Variants in XYLB observed in about 807,000 individuals in gnomAD.
XYLB encodes the protein xylulose kinase.
In XYLB, 62 loss-of-function variants were observed where a neutral mutation model predicts 78.7. The ratio of observed to expected loss-of-function variants is 0.79; its 90% CI spans 0.64 to 0.97. XYLB has a LOEUF of 0.97. Among genes scored for constraint, XYLB ranks in the 50% least tolerant of loss-of-function variants. XYLB has a pLI of 0.00. For synonymous variants in XYLB, 245 were observed against 247.4 expected (o/e 0.99, Z 0.09); for missense variants, 687 against 676.8 (o/e 1.02, Z -0.17).
At chr3:38,354,415 T>G (rs1705532595) in intron 2 of XYLB, among the ~76,000 whole-genome samples, 1 of 152,110 alleles carries the variant, frequency 6.6e-6, no homozygotes, top group Non-Finnish European at 1.5e-5. Context: ...CTGTTTGTTT[T>G]TTTTTCCAGA....
chr3:38,355,975 G>A (rs1212179899), intron 2 of XYLB: 1 of 578,238 alleles, frequency 1.7e-6, no homozygotes, highest in South Asian at 2.2e-5. Flanking sequence ...CTGGGGCCAG[G>A]TGTGGTCGCT....
the XYLB span, among the ~76,000 whole-genome samples, chr3:38,446,843 C>T: frequency 6.6e-6 from 1 of 152,074 alleles, no homozygotes; most frequent in Non-Finnish European, 1.5e-5. Flanking sequence ...GAAAACTCTC[C>T]TGGACATTGG....
At chr3:38,431,170 T>G in the XYLB span, among the ~76,000 whole-genome samples, 1 of 152,204 alleles carries the variant, frequency 6.6e-6, no homozygotes, top group South Asian at 2.1e-4. Context: ...CCAGTATTGA[T>G]TCTTCCTATC....
At chr3:38,409,237 C>G (rs995758434) in intron 18 of XYLB, among the ~76,000 whole-genome samples, 4 of 152,098 alleles carry the variant, frequency 2.6e-5, no homozygotes. Flanking sequence ...TCAATATATG[C>G]AAATCAATAA....
rs1027473981 is a variant in XYLB, at chr3:38,414,728, T to C, written c.*1715T>C. ...AATTATATCTTAATGAAAATAGATA[T>C]GGTCACAAGTACATTAAGGCACGTA... On this transcript the variant is annotated 3_prime_UTR_variant, in exon 19 of 19. Coordinates refer to ENST00000207870, the MANE Select transcript of XYLB (RefSeq NM_005108.4). The C allele has an allele frequency of 1.3e-5, 2 of 152,124 alleles. No individual in the cohort carries two copies. Among genetic ancestry groups the C allele is most frequent in the African/African-American group, 4.8e-5 (2 of 41,444 alleles). 9.4% of individuals were successfully genotyped at this position (152,124 alleles called of 1,614,324 possible).
chr3:38,377,103 A>G, intron 14 of XYLB, 112 bp downstream of exon 14: 4 of 937,742 alleles, frequency 4.3e-6, no homozygotes, highest in Admixed American at 4.0e-5. Context: ...TCACTCATCC[A>G]TTAATATCAT....
In XYLB at chr3:38,346,837, A is replaced by G; in HGVS notation, c.-32A>G. On this transcript the variant is annotated 5_prime_UTR_variant, in exon 1 of 19. Coordinates refer to ENST00000207870, the MANE Select transcript of XYLB (RefSeq NM_005108.4). ...ATCACGCCGCGTGGCGGACGGACGG[A>G]CTGACGGACGCGCAGCCTTACCCGA... 1.3e-6 allele frequency: 2 copies of G among 1,491,132 alleles called. No homozygotes were observed. The highest frequency in any genetic ancestry group is 8.9e-7 in the Non-Finnish European group (1 of 1,121,096). 92.4% of individuals were successfully genotyped at this position (1,491,132 alleles called of 1,614,324 possible).
intron 18 of XYLB, among the ~76,000 whole-genome samples, chr3:38,412,368 GCT>G (rs1243375031): frequency 2.0e-5 from 3 of 152,184 alleles, no homozygotes; most frequent in African/African-American, 7.2e-5. Flanking sequence ...TGTGTGAACT[GCT>G]GTATGGACTG....
intron 15 of XYLB, 149 bp downstream of exon 15, chr3:38,379,491 G>A: frequency 1.4e-6 from 1 of 722,476 alleles, no homozygotes; most frequent in Non-Finnish European, 2.3e-6. Flanking sequence ...CTCAGGGATG[G>A]GGTGAGAAAG....
At chr3:38,409,784 T>C (rs1206946250) in intron 18 of XYLB, among the ~76,000 whole-genome samples, 1 of 152,158 alleles carries the variant, frequency 6.6e-6, no homozygotes, top group Non-Finnish European at 1.5e-5. Flanking sequence ...CCATTCACAA[T>C]TGCTTCAAAG....
chr3:38,363,607 C>G (rs1335002073), intron 4 of XYLB, among the ~76,000 whole-genome samples: 1 of 152,198 alleles, frequency 6.6e-6, no homozygotes, highest in Non-Finnish European at 1.5e-5. Flanking sequence ...AGGCAGTGAC[C>G]TGGGATACGT....
intron 4 of XYLB, among the ~76,000 whole-genome samples, chr3:38,364,670 G>A (rs983221533): frequency 9.9e-5 from 15 of 151,886 alleles, no homozygotes; most frequent in Admixed American, 2.6e-4. Flanking sequence ...ATCTGTACCC[G>A]AGTTGGTTAG....
Position 38,397,130 on chromosome 3 carries a change from G to A in XYLB, c.1409G>A (p.Cys470Tyr), listed in dbSNP as rs1233919982. 4.3e-6 allele frequency: 7 copies of A among 1,614,036 alleles called. No individual in the cohort carries two copies. The highest frequency in any genetic ancestry group is 1.6e-4 in the Middle Eastern group (1 of 6,084). The stretch of plus-strand genomic sequence containing the variant: ...GTTATAGACACTGCCAACTCGGCCT[G>A]TGTGGGTTCTGCATACCGAGCTTTT... ...VYVIDTANSA[C>Y]VGSAYRAFHG... Residue 470 changes from cysteine (C) to tyrosine (Y), a missense_variant, in exon 17 of 19, where the codon TGT becomes TAT. Cys to Tyr is a radical substitution (Grantham distance 194). Coordinates refer to ENST00000207870, the MANE Select transcript of XYLB (RefSeq NM_005108.4).
At chr3:38,349,965 T>C (rs1402196396) in intron 2 of XYLB, among the ~76,000 whole-genome samples, 1 of 152,234 alleles carries the variant, frequency 6.6e-6, no homozygotes, top group Non-Finnish European at 1.5e-5. Context: ...TTAAAGGCCC[T>C]GTCTCCAAAT....
In XYLB at chr3:38,396,686, A is replaced by G. The variant is rs192346146; in HGVS notation, c.1351-386A>G. 6.6e-5 allele frequency among the ~76,000 whole-genome samples: 10 copies of G among 152,308 alleles called. No individual in the cohort carries two copies. The East Asian group carries it at 1.7e-3, about 26-fold the overall frequency. On this transcript the variant is annotated intron_variant, in intron 16 of 18. Coordinates refer to ENST00000207870, the MANE Select transcript of XYLB (RefSeq NM_005108.4). ...GTGAACCTAAATGGGAAACTTCACC[A>G]TTATGCCCATGAAACATGCTCTTGT...
chr3:38,433,630 A>G, the XYLB span, among the ~76,000 whole-genome samples: 1 of 152,220 alleles, frequency 6.6e-6, no homozygotes, highest in Non-Finnish European at 1.5e-5. Context: ...TCTCTTTGCT[A>G]AAGCATAGCA....
In XYLB at chr3:38,411,930, A is replaced by G. The variant is rs532097353; in HGVS notation, c.1534-1006A>G. 1.6e-3 allele frequency among the ~76,000 whole-genome samples: 240 copies of G among 151,500 alleles called. 2 individuals are homozygous for G. In the Middle Eastern group the frequency reaches 0.021, roughly 13 times the overall value. ...TACAGGAGATACTTTTGTAGGGCAT[A>G]TGAGGTTTTGAAGCCAGGGTCATTC... On this transcript the variant is annotated intron_variant, in intron 18 of 18. Transcript: ENST00000207870.
rs569453845 is a variant in XYLB at position 38,378,870 on chromosome 3, C to A, written c.1195-376C>A. The stretch of plus-strand genomic sequence containing the variant: ...GCTCTGTTGTCTAATCTGATCATTG[C>A]AACAACCCTAAAAAACAGGCGCCAC... On this transcript the variant is annotated intron_variant, in intron 14 of 18. Coordinates refer to ENST00000207870, the MANE Select transcript of XYLB (RefSeq NM_005108.4). Among the ~76,000 whole-genome samples, 11 of 149,650 alleles carry A rather than the reference C, an allele frequency of 7.4e-5. No homozygotes were observed. In the East Asian group the frequency reaches 2.2e-3, roughly 29 times the overall value.
In XYLB at chr3:38,372,710, T is replaced by C; in HGVS notation, c.821T>C (p.Val274Ala). Residue 274 changes from valine (V) to alanine (A), a missense_variant, in exon 10 of 19, where the codon GTG (valine) becomes GCG (alanine). Coordinates refer to ENST00000207870, the MANE Select transcript of XYLB (RefSeq NM_005108.4). ...QRYGFPPGCK[V>A]VAFTGDNPAS... is the part of the protein sequence containing the mutation. ...TACGGATTTCCTCCAGGATGCAAAG[T>C]GGTGGCCTTCACTGGGGACAACCCA... 1 of 1,614,128 alleles carries C rather than the reference T, an allele frequency of 6.2e-7. No homozygotes were observed. The highest frequency in any genetic ancestry group is 8.5e-7 in the Non-Finnish European group (1 of 1,180,022).
Sources: allele counts gnomAD v4.1 joint callset (sites outside exome capture counted in the v4.1 genomes callset), GRCh38; gene constraint gnomAD v4.1.1; transcripts MANE v1.5; gene names NCBI Gene and HGNC (gene_info 2026-07-23, HGNC 2026-07-21).